Variants in ANKS6 observed in about 807,000 individuals in gnomAD.
The protein encoded by ANKS6 is ankyrin repeat and sterile alpha motif domain containing 6, also known as ankyrin repeat and SAM domain-containing protein 6.
In ANKS6, 47 loss-of-function variants were observed where a neutral mutation model predicts 77.9. The observed-to-expected ratio is 0.60, with a 90% CI of 0.48 to 0.77. ANKS6 has a LOEUF of 0.77. ANKS6 is among the 30% of genes least tolerant of loss of function. The pLI, the probability that ANKS6 is intolerant of heterozygous loss-of-function variation, is 0.00. For missense variants in ANKS6, 1,150 were observed against 1,159.1 expected, an observed-to-expected ratio of 0.99 and a Z score of 0.11; for synonymous variants, 488 against 501.7, an observed-to-expected ratio of 0.97 and a Z score of 0.37.
At chr9:98,738,668 A>G (rs1171559455) in intron 14 of ANKS6, among the ~76,000 whole-genome samples, 1 of 152,180 alleles carries the variant, frequency 6.6e-6, no homozygotes, top group Non-Finnish European at 1.5e-5. Flanking sequence ...TAGTACCACC[A>G]CTATGGAAAA....
At chr9:98,754,903 T>C (rs1238629496) in intron 12 of ANKS6, among the ~76,000 whole-genome samples, 1 of 152,154 alleles carries the variant, frequency 6.6e-6, no homozygotes, top group Non-Finnish European at 1.5e-5. Context: ...AGACATCCAC[T>C]GTCTCCACTC....
chr9:98,753,716 C>A (rs1832551401), intron 12 of ANKS6, among the ~76,000 whole-genome samples: 1 of 152,006 alleles, frequency 6.6e-6, no homozygotes, highest in Non-Finnish European at 1.5e-5. Context: ...CAATCTAATG[C>A]CCCTGAAAGT....
chr9:98,744,731 G>C (rs2131931945), intron 14 of ANKS6, among the ~76,000 whole-genome samples: 1 of 152,210 alleles, frequency 6.6e-6, no homozygotes, highest in South Asian at 2.1e-4. Context: ...AGAGGAAAAA[G>C]GCAGAGATGT....
At chr9:98,740,353 G>A (rs1050442280) in intron 14 of ANKS6, among the ~76,000 whole-genome samples, 3 of 152,198 alleles carry the variant, frequency 2.0e-5, no homozygotes, top group South Asian at 2.1e-4. Context: ...CCAAAGGCTG[G>A]AGGGTATGAC....
intron 5 of ANKS6, among the ~76,000 whole-genome samples, chr9:98,780,692 G>A (rs753079345): frequency 7.9e-5 from 12 of 152,252 alleles, no homozygotes; most frequent in East Asian, 3.9e-4. Flanking sequence ...CTCTTTGTGC[G>A]TCTGTACAAG....
chr9:98,777,328 C>G, intron 8 of ANKS6, 77 bp downstream of exon 8: 2 of 1,492,038 alleles, frequency 1.3e-6, no homozygotes, highest in Non-Finnish European at 1.9e-6. Context: ...AGACAAACAC[C>G]TACATCCCTC....
intron 2 of ANKS6, among the ~76,000 whole-genome samples, chr9:98,785,584 C>T (rs1036325614): frequency 2.6e-5 from 4 of 152,202 alleles, no homozygotes; most frequent in African/African-American, 7.2e-5. Context: ...CATCCCACAC[C>T]TTCCTCCAAG....
intron 2 of ANKS6, among the ~76,000 whole-genome samples, chr9:98,789,264 C>A (rs1188551168): frequency 6.6e-6 from 1 of 151,946 alleles, no homozygotes; most frequent in Non-Finnish European, 1.5e-5. Context: ...GTGAGTCCTG[C>A]CGTCGAAGTC....
chr9:98,744,226 G>A (rs1444151873), intron 14 of ANKS6, among the ~76,000 whole-genome samples: 3 of 152,204 alleles, frequency 2.0e-5, no homozygotes. Flanking sequence ...AATGCTAAGG[G>A]CATCCCTTTG....
intron 1 of ANKS6, among the ~76,000 whole-genome samples, chr9:98,793,292 G>C (rs1189615418): frequency 2.0e-5 from 3 of 152,224 alleles, no homozygotes; most frequent in Non-Finnish European, 4.4e-5. Flanking sequence ...TGGGAGCACA[G>C]GCTCTGGAGC....
At chr9:98,777,688 A>G (rs1833994028) in intron 7 of ANKS6, among the ~76,000 whole-genome samples, 1 of 152,168 alleles carries the variant, frequency 6.6e-6, no homozygotes, top group Non-Finnish European at 1.5e-5. Flanking sequence ...TGGTGCCCCC[A>G]GCTCAATAGT....
intron 9 of ANKS6, among the ~76,000 whole-genome samples, chr9:98,772,445 TGTGA>T (rs1833694500): frequency 6.6e-6 from 1 of 152,182 alleles, no homozygotes; most frequent in Non-Finnish European, 1.5e-5. Flanking sequence ...CCTGCAGGAC[TGTGA>T]GAGAATACAT....
intron 11 of ANKS6, among the ~76,000 whole-genome samples, chr9:98,759,212 T>C (rs1588356625): frequency 6.6e-6 from 1 of 152,098 alleles, no homozygotes; most frequent in Non-Finnish European, 1.5e-5. Flanking sequence ...AGCTAATCCC[T>C]CCTCCTAATC....
At chr9:98,775,978 CT>C (rs1833898825) in intron 8 of ANKS6, among the ~76,000 whole-genome samples, 1 of 152,210 alleles carries the variant, frequency 6.6e-6, no homozygotes, top group Non-Finnish European at 1.5e-5. Flanking sequence ...CCTGACACTG[CT>C]GATGCCTTTT....
At chr9:98,746,375 CT>C (rs1276016957) in intron 13 of ANKS6, among the ~76,000 whole-genome samples, 2 of 152,178 alleles carry the variant, frequency 1.3e-5, no homozygotes, top group East Asian at 3.9e-4. Flanking sequence ...ACAATGGCCT[CT>C]GGCATGGGGG....
Position 98,732,815 on chromosome 9 carries a change from A to G in ANKS6, c.*3704T>C. 7.7e-7 allele frequency: 1 copy of G among 1,296,192 alleles called. No individual in the cohort carries two copies. The highest frequency in any genetic ancestry group is 9.8e-7 in the Non-Finnish European group (1 of 1,021,634). 80.3% of individuals were successfully genotyped at this position (1,296,192 alleles called of 1,614,324 possible). A position where few individuals can be genotyped will look rare whatever the true frequency, so the allele number is the denominator to read the frequency against. ...CTTTCCAGGGTAACAGGTTGCTTCT[A>G]CTCATTTTAAAGGACTAAAAACAGA... is the stretch of plus-strand genomic sequence containing the variant. On this transcript the variant is annotated 3_prime_UTR_variant, in exon 15 of 15. Coordinates refer to ENST00000353234, the MANE Select transcript of ANKS6 (RefSeq NM_173551.5).
chr9:98,753,891 T>C (rs913123511), intron 12 of ANKS6, among the ~76,000 whole-genome samples: 7 of 152,302 alleles, frequency 4.6e-5, no homozygotes, highest in South Asian at 2.1e-4. Context: ...ATTCAGTTAA[T>C]TCGAAGTTCA....
intron 4 of ANKS6, among the ~76,000 whole-genome samples, chr9:98,783,203 A>T (rs1051669110): frequency 5.9e-5 from 9 of 152,294 alleles, no homozygotes; most frequent in Admixed American, 3.9e-4. Flanking sequence ...TGGAGACTCC[A>T]CTTCTTCCAC....
At chr9:98,780,415 T>A (rs552134670) in intron 5 of ANKS6, 78 bp from the exon 6 acceptor site, 25 of 1,461,804 alleles carry the variant, frequency 1.7e-5, no homozygotes, top group Admixed American at 4.3e-5. Context: ...ATGACCCCTG[T>A]TAGACTTAGA....
Sources: gnomAD v4.1 joint callset for allele counts (sites outside exome capture counted in the v4.1 genomes callset) on GRCh38, gnomAD v4.1.1 for gene constraint, MANE v1.5 for transcripts, NCBI Gene and HGNC (gene_info 2026-07-23, HGNC 2026-07-21) for gene names.